The following NAALADL2 variants were observed in gnomAD, a reference collection of about 807,000 sequenced individuals.
The protein encoded by NAALADL2 is inactive N-acetylated-alpha-linked acidic dipeptidase-like protein 2.
A neutral mutation model predicts 87.2 loss-of-function variants in NAALADL2; 76 were observed. The ratio of observed to expected loss-of-function variants is 0.87; its 90% CI spans 0.72 to 1.05. NAALADL2 has a LOEUF of 1.05. Among genes scored for constraint, NAALADL2 ranks in the 50% least tolerant of loss-of-function variants. The pLI is 0.00. For missense variants in NAALADL2, 1,089 were observed against 945.8 expected (o/e 1.15, Z -1.99); for synonymous variants, 354 against 331.0 (o/e 1.07, Z -0.75).
intron 1 of NAALADL2, among the ~76,000 whole-genome samples, chr3:174,961,182 C>G (rs1003905290): frequency 6.7e-6 from 1 of 150,204 alleles, no homozygotes; most frequent in Admixed American, 6.7e-5. Context: ...TAAGGTCTCA[C>G]TATGTTGCCC....
intron 2 of NAALADL2, among the ~76,000 whole-genome samples, chr3:174,691,427 A>G (rs1728567060): frequency 7.9e-6 from 1 of 126,906 alleles, no homozygotes; most frequent in South Asian, 2.3e-4. Flanking sequence ...AAATAATTAA[A>G]TAAAACCCAC....
chr3:175,385,329 C>T (rs1451602418), intron 5 of NAALADL2, among the ~76,000 whole-genome samples: 1 of 152,010 alleles, frequency 6.6e-6, no homozygotes, highest in Non-Finnish European at 1.5e-5. Flanking sequence ...AGGAAGCCTT[C>T]AATAATAGAT....
At chr3:175,311,225 A>ATTT (rs58374410) in intron 4 of NAALADL2, among the ~76,000 whole-genome samples, 4,304 of 144,386 alleles carry the variant, frequency 0.03, 195 homozygotes, top group African/African-American at 0.1. Flanking sequence ...TAGAACATGG[A>ATTT]TTTTTTTTTT....
At chr3:175,704,967 A>G (rs1739480170) in intron 11 of NAALADL2, among the ~76,000 whole-genome samples, 1 of 152,184 alleles carries the variant, frequency 6.6e-6, no homozygotes, top group Admixed American at 6.5e-5. Flanking sequence ...TGGTGCTAAA[A>G]CCATCATTCA....
chr3:175,471,838 A>T, intron 9 of NAALADL2, 80 bp downstream of exon 9: 1 of 1,251,148 alleles, frequency 8.0e-7, no homozygotes, highest in East Asian at 2.7e-5. Context: ...TGATTTTTTC[A>T]TTTATTTTTA....
intron 1 of NAALADL2, among the ~76,000 whole-genome samples, chr3:174,454,229 C>T (rs1715673205): frequency 6.6e-6 from 1 of 152,050 alleles, no homozygotes; most frequent in Non-Finnish European, 1.5e-5. Flanking sequence ...CACAGGAGTA[C>T]CCAGATTCAT....
At chr3:175,695,871 G>A (rs1737731705) in intron 11 of NAALADL2, among the ~76,000 whole-genome samples, 1 of 151,992 alleles carries the variant, frequency 6.6e-6, no homozygotes. Context: ...TAATTAGCCT[G>A]GGCGTGCTTA....
At chr3:175,688,422 T>C (rs1050675088) in intron 11 of NAALADL2, among the ~76,000 whole-genome samples, 1 of 152,118 alleles carries the variant, frequency 6.6e-6, no homozygotes, top group Non-Finnish European at 1.5e-5. Context: ...AGAGACAGAA[T>C]TGGGCTGGCA....
At chr3:175,624,931 T>G (rs1726778381) in intron 10 of NAALADL2, among the ~76,000 whole-genome samples, 1 of 151,900 alleles carries the variant, frequency 6.6e-6, no homozygotes, top group Non-Finnish European at 1.5e-5. Flanking sequence ...ACACACAGAG[T>G]TGATTTCTAG....
At chr3:174,934,151 A>T (rs1474797489) in intron 1 of NAALADL2, among the ~76,000 whole-genome samples, 1 of 151,666 alleles carries the variant, frequency 6.6e-6, no homozygotes, top group Admixed American at 6.6e-5. Flanking sequence ...TAGTTCTTCT[A>T]CTACTACTAC....
At chr3:175,223,024 C>T (rs1230032006) in intron 2 of NAALADL2, among the ~76,000 whole-genome samples, 1 of 151,456 alleles carries the variant, frequency 6.6e-6, no homozygotes, top group East Asian at 1.9e-4. Flanking sequence ...ATAATGATTT[C>T]ATATATGTAG....
intron 1 of NAALADL2, among the ~76,000 whole-genome samples, chr3:174,498,339 A>C (rs944197121): frequency 2.6e-5 from 4 of 151,968 alleles, no homozygotes; most frequent in Non-Finnish European, 1.5e-5. Context: ...AGATTCATGC[A>C]TATCATTGTG....
At chr3:175,079,692 T>G (rs529975022) in intron 1 of NAALADL2, among the ~76,000 whole-genome samples, 4 of 152,294 alleles carry the variant, frequency 2.6e-5, no homozygotes, top group Middle Eastern at 3.4e-3. Flanking sequence ...AGTGACTATT[T>G]ATGTGCATAT....
At chr3:175,029,787 C>T (rs1272722554) in intron 1 of NAALADL2, among the ~76,000 whole-genome samples, 2 of 151,976 alleles carry the variant, frequency 1.3e-5, no homozygotes, top group African/African-American at 4.8e-5. Flanking sequence ...AAATTATCCT[C>T]CAGGAAAATG....
chr3:174,503,828 A>C (rs892236876), intron 1 of NAALADL2, among the ~76,000 whole-genome samples: 1 of 152,148 alleles, frequency 6.6e-6, no homozygotes, highest in East Asian at 1.9e-4. Context: ...AATTTGGGTC[A>C]GAATTTTTCT....
intron 4 of NAALADL2, among the ~76,000 whole-genome samples, chr3:175,283,634 C>G (rs1480656142): frequency 6.6e-6 from 1 of 152,006 alleles, no homozygotes; most frequent in Non-Finnish European, 1.5e-5. Flanking sequence ...TATGGTAAAG[C>G]CTCACATTCC....
chr3:174,988,779 G>C (rs892300450), intron 1 of NAALADL2, among the ~76,000 whole-genome samples: 1 of 152,138 alleles, frequency 6.6e-6, no homozygotes, highest in Non-Finnish European at 1.5e-5. Flanking sequence ...ATTAGGAACT[G>C]ACCTTTTTGC....
intron 1 of NAALADL2, among the ~76,000 whole-genome samples, chr3:175,014,366 AT>A (rs2108830148): frequency 6.6e-6 from 1 of 152,164 alleles, no homozygotes; most frequent in African/African-American, 2.4e-5. Flanking sequence ...CTTACTCCCT[AT>A]TCTTAATCAT....
At chr3:174,485,159 A>C (rs183296107) in intron 1 of NAALADL2, among the ~76,000 whole-genome samples, 1 of 152,146 alleles carries the variant, frequency 6.6e-6, no homozygotes, top group East Asian at 1.9e-4. Context: ...AAAAATAATA[A>C]AAAATAATAT....
Sources: gnomAD v4.1 joint callset for allele counts (sites outside exome capture counted in the v4.1 genomes callset) on GRCh38, gnomAD v4.1.1 for gene constraint, MANE v1.5 for transcripts, NCBI Gene and HGNC (gene_info 2026-07-23, HGNC 2026-07-21) for gene names.